Variants in BCAS3 observed in about 807,000 individuals in gnomAD.
The protein encoded by BCAS3 is BCAS4/BCAS3 fusion.
Under a neutral mutation model 116.1 loss-of-function variants are expected in BCAS3, and 53 were observed. That is an observed-to-expected ratio of 0.46 (90% CI 0.37 to 0.57). The LOEUF (loss-of-function observed/expected upper bound fraction) is 0.57, where lower values mean the gene tolerates loss of function less well. Among genes scored for constraint, BCAS3 ranks in the 20% least tolerant of loss-of-function variants. The pLI is 0.00. For synonymous variants in BCAS3, 391 were observed against 408.2 expected (o/e 0.96, Z 0.51); for missense variants, 917 against 1,165.4 (o/e 0.79, Z 3.10).
At chr17:60,862,321 C>A (rs572525059) in intron 7 of BCAS3, among the ~76,000 whole-genome samples, 24 of 152,096 alleles carry the variant, frequency 1.6e-4, no homozygotes, top group African/African-American at 5.5e-4. Flanking sequence ...AGGCTGGCTT[C>A]ATAGAATGAG....
intron 9 of BCAS3, among the ~76,000 whole-genome samples, chr17:60,884,467 A>T: frequency 7.6e-6 from 1 of 131,574 alleles, no homozygotes. Context: ...GATTTTAGTT[A>T]TTTCTTGCCT....
rs2144534708 is a variant in BCAS3 at position 61,248,340 on chromosome 17, T to C, written c.2426-119987T>C. ...TTCTGTCTTGGGTAAAGGAATATATTTGTGAATTGTGGCTGATACTACTTT... is the reference window on the plus strand; with the variant it reads ...TTCTGTCTTGGGTAAAGGAATATATCTGTGAATTGTGGCTGATACTACTTT... On this transcript the variant is annotated intron_variant, in intron 22 of 23. Transcript: ENST00000407086. The surrounding 1 kb of genome is among the most constrained non-coding windows in gnomAD (Gnocchi z 4.3). 6.6e-6 allele frequency among the ~76,000 whole-genome samples: 1 copy of C among 152,290 alleles called. No homozygotes were observed. Among genetic ancestry groups the C allele is most frequent in the Admixed American group, 6.5e-5 (1 of 15,302 alleles).
At chr17:61,338,968 G>A (rs1345917498) in intron 22 of BCAS3, among the ~76,000 whole-genome samples, 1 of 149,430 alleles carries the variant, frequency 6.7e-6, no homozygotes, top group Non-Finnish European at 1.5e-5. Context: ...CCCCCTTCAT[G>A]GCAGTCAAGT....
At chr17:60,695,984 A>T (rs1274963995) in intron 4 of BCAS3, among the ~76,000 whole-genome samples, 4 of 152,128 alleles carry the variant, frequency 2.6e-5, no homozygotes, top group African/African-American at 7.2e-5. Context: ...TCTTGTCACT[A>T]CTTCTTTCTG....
rs1179040940 is a variant in BCAS3 at position 61,107,110 on chromosome 17, G to A, written c.2425+22546G>A. On this transcript the variant is annotated intron_variant, in intron 22 of 23. Coordinates refer to ENST00000407086, the MANE Select transcript of BCAS3 (RefSeq NM_017679.5). ...TTTTTTTTTTTTTTTTTTTTGAGAC[G>A]GAGTCTCGCTCTGTCGCCCAGGCTG... 3.6e-5 allele frequency among the ~76,000 whole-genome samples: 4 copies of A among 111,476 alleles called. No homozygotes were observed. In the South Asian group the frequency reaches 8.9e-4, roughly 25 times the overall value. 73.1% of individuals were successfully genotyped at this position (111,476 alleles called of 152,430 possible). A position where few individuals can be genotyped will look rare whatever the true frequency, so the allele number is the denominator to read the frequency against.
intron 22 of BCAS3, among the ~76,000 whole-genome samples, chr17:61,360,468 T>C (rs987973328): frequency 6.6e-6 from 1 of 152,254 alleles, no homozygotes; most frequent in African/African-American, 2.4e-5. Context: ...ATGTATTCTC[T>C]TGTATTTCTG....
chr17:60,907,336 A>C (rs956967947), intron 11 of BCAS3, among the ~76,000 whole-genome samples: 2 of 152,088 alleles, frequency 1.3e-5, no homozygotes, highest in Non-Finnish European at 2.9e-5. Flanking sequence ...TCTTATTTTC[A>C]TGTGTGTTAC....
chr17:61,333,315 C>T lies in BCAS3; in HGVS notation c.2426-35012C>T, dbSNP rs1299109868. ...GCTCCATCTTCAGAGGGGTTTGTGCCCAGCAGCTGATCTCTGCCTGTAATC... is the reference window on the plus strand; with the variant it reads ...GCTCCATCTTCAGAGGGGTTTGTGCTCAGCAGCTGATCTCTGCCTGTAATC... On this transcript the variant is annotated intron_variant, in intron 22 of 23. Coordinates refer to ENST00000407086, the MANE Select transcript of BCAS3 (RefSeq NM_017679.5). The surrounding 1 kb of genome is among the most constrained non-coding windows in gnomAD (Gnocchi z 4.8). 6.6e-6 allele frequency among the ~76,000 whole-genome samples: 1 copy of T among 152,168 alleles called. No homozygotes were observed. Among genetic ancestry groups the T allele is most frequent in the Non-Finnish European group, 1.5e-5 (1 of 68,024 alleles).
In BCAS3 at chr17:61,270,833, C is replaced by G. The variant is rs561266096; in HGVS notation, c.2426-97494C>G. 8.0e-4 allele frequency among the ~76,000 whole-genome samples: 122 copies of G among 152,170 alleles called. 3 individuals are homozygous for G. The highest frequency in any genetic ancestry group is 2.9e-3 in the African/African-American group (122 of 41,440). ...TCTCGGCTCACCGCAACCTCTGCCTCCCAAGTAGCTGGGATTACAGGCTTC... is the reference window on the plus strand; with the variant it reads ...TCTCGGCTCACCGCAACCTCTGCCTGCCAAGTAGCTGGGATTACAGGCTTC... On this transcript the variant is annotated intron_variant, in intron 22 of 23. Coordinates refer to ENST00000407086, the MANE Select transcript of BCAS3 (RefSeq NM_017679.5).
At chr17:61,289,896 G>A (rs571286347) in intron 22 of BCAS3, among the ~76,000 whole-genome samples, 4 of 152,150 alleles carry the variant, frequency 2.6e-5, no homozygotes, top group African/African-American at 9.7e-5. Context: ...CTGTTCCTTA[G>A]AATCAATTTG....
intron 22 of BCAS3, among the ~76,000 whole-genome samples, chr17:61,284,592 C>T (rs74592387): frequency 0.02 from 2,976 of 152,262 alleles, 90 homozygotes; most frequent in African/African-American, 0.067. Flanking sequence ...GACTTGTTCA[C>T]CTCCGATGCT....
At chr17:60,727,871 G>C (rs1049212893) in intron 5 of BCAS3, among the ~76,000 whole-genome samples, 12 of 150,414 alleles carry the variant, frequency 8.0e-5, no homozygotes, top group African/African-American at 2.9e-4. Context: ...ACAGTGGTGC[G>C]ATCTTGGCTC....
In BCAS3 at chr17:61,259,980, A is replaced by T. The variant is rs993128828; in HGVS notation, c.2426-108347A>T. 3.3e-5 allele frequency among the ~76,000 whole-genome samples: 5 copies of T among 152,224 alleles called. No homozygotes were observed. The highest frequency in any genetic ancestry group is 1.2e-4 in the African/African-American group (5 of 41,464). ...AGGCGTTGTACAGGCTGCCTAACAT[A>T]GTTTTTTATTAATCCTCACAACAGT... On this transcript the variant is annotated intron_variant, in intron 22 of 23. Coordinates refer to ENST00000407086, the MANE Select transcript of BCAS3 (RefSeq NM_017679.5). This position sits in a 1 kb window ranked among gnomAD's most constrained non-coding sequence, Gnocchi z 4.7.
At chr17:61,306,489 C>A (rs900849918) in intron 22 of BCAS3, among the ~76,000 whole-genome samples, 1 of 152,082 alleles carries the variant, frequency 6.6e-6, no homozygotes, top group Non-Finnish European at 1.5e-5. Context: ...ATTCAAGAAG[C>A]CTGGCTGAGC....
chr17:60,864,636 G>A (rs2144869112), intron 7 of BCAS3, among the ~76,000 whole-genome samples: 1 of 152,306 alleles, frequency 6.6e-6, no homozygotes, highest in East Asian at 1.9e-4. Context: ...TCATTCATGT[G>A]TTCACTGGAG....
intron 12 of BCAS3, among the ~76,000 whole-genome samples, chr17:60,913,990 T>C (rs950689907): frequency 8.5e-5 from 13 of 152,194 alleles, no homozygotes; most frequent in Admixed American, 4.6e-4. Context: ...AAATCTCTAA[T>C]GGAAATAAAA....
chr17:61,103,834 AGTCCC>A (rs1301841784), intron 22 of BCAS3, among the ~76,000 whole-genome samples: 1 of 152,234 alleles, frequency 6.6e-6, no homozygotes, highest in Non-Finnish European at 1.5e-5. Flanking sequence ...TTTTTATAAC[AGTCCC>A]TAAATACACA....
chr17:60,982,259 T>C (rs1036345302), intron 14 of BCAS3, among the ~76,000 whole-genome samples: 2 of 152,162 alleles, frequency 1.3e-5, no homozygotes, highest in Admixed American at 6.5e-5. Flanking sequence ...TGCTTGCTAT[T>C]GAATGTCATT....
chr17:61,255,460 C>T (rs550833042), intron 22 of BCAS3, among the ~76,000 whole-genome samples: 2 of 152,318 alleles, frequency 1.3e-5, no homozygotes, highest in East Asian at 1.9e-4. Flanking sequence ...GAGAGTATCT[C>T]AGGAAACTGG....
Sources: allele counts gnomAD v4.1 joint callset (sites outside exome capture counted in the v4.1 genomes callset), GRCh38; gene constraint gnomAD v4.1.1; non-coding constraint Gnocchi (gnomAD v3.1); transcripts MANE v1.5; gene names NCBI Gene and HGNC (gene_info 2026-07-23, HGNC 2026-07-21).